Variants in GPATCH8 observed in about 807,000 individuals in gnomAD.
GPATCH8 encodes the protein G patch domain-containing protein 8.
A neutral mutation model predicts 118.3 loss-of-function variants in GPATCH8; 18 were observed. That is an observed-to-expected ratio of 0.15 (90% confidence interval 0.11 to 0.23). The LOEUF (loss-of-function observed/expected upper bound fraction) is 0.23, where lower values mean the gene tolerates loss of function less well. Ranked by LOEUF, GPATCH8 falls within the 10% of genes least tolerant of loss-of-function variation. The pLI, the probability that GPATCH8 is intolerant of heterozygous loss-of-function variation, is 1.00. For missense variants in GPATCH8, 1,631 were observed against 1,873.8 expected (o/e 0.87, Z 2.39); for synonymous variants, 659 against 684.7 (o/e 0.96, Z 0.59).
chr17:44,435,887 T>C (rs1286983454), intron 4 of GPATCH8, among the ~76,000 whole-genome samples: 1 of 149,828 alleles, frequency 6.7e-6, no homozygotes, highest in East Asian at 2.0e-4. Context: ...CCGGGCATGG[T>C]GTCATGCGCC....
rs140026315 is a variant in GPATCH8 at position 44,436,009 on chromosome 17, A to G, written c.261+469T>C. Among the ~76,000 whole-genome samples the G allele has an allele frequency of 3.4e-3, 492 of 143,532 alleles. 3 individuals are homozygous for G. Among genetic ancestry groups the G allele is most frequent in the Middle Eastern group, 0.021 (6 of 282 alleles). 94.2% of individuals were successfully genotyped at this position (143,532 alleles called of 152,430 possible). On this transcript the variant is annotated intron_variant, in intron 4 of 7. Transcript: ENST00000591680. ...GCGCCATTGCACTCTAGCCTGGGCA[A>G]CAAGAGCGAAACTCCATCTCAAAAA...
rs138047636 is a variant in GPATCH8 at position 44,416,580 on chromosome 17, C to G, written c.492+7769G>C. On this transcript the variant is annotated intron_variant, in intron 6 of 7. Coordinates refer to ENST00000591680, the MANE Select transcript of GPATCH8 (RefSeq NM_001002909.4). ...ATAGGTTATTAAAATAAAACTACAA[C>G]ATGTTCAAGTGCTGAGATGCACTCC... is the stretch of plus-strand genomic sequence containing the variant. Among the ~76,000 whole-genome samples, 62 of 152,302 alleles carry G rather than the reference C, an allele frequency of 4.1e-4. 1 individual carries two copies. Among genetic ancestry groups the G allele is most frequent in the African/African-American group, 1.5e-3 (62 of 41,568 alleles).
At chr17:44,445,230 G>A (rs999293920) in intron 3 of GPATCH8, among the ~76,000 whole-genome samples, 7 of 152,012 alleles carry the variant, frequency 4.6e-5, no homozygotes, top group African/African-American at 7.2e-5. Flanking sequence ...AACATATATC[G>A]ACAAACTTTT....
chr17:44,464,852 A>G (rs1350411643), intron 2 of GPATCH8: 9 of 344,618 alleles, frequency 2.6e-5, no homozygotes, highest in Admixed American at 1.3e-4. Context: ...TACATTTATG[A>G]AGTTTTAAAA....
At position 44,396,652 on chromosome 17, in the gene GPATCH8, G is replaced by C. The variant is rs535483665; in HGVS notation, c.*916C>G. ...CATATTTACACAAAGCCACCAGAACGAGGATCACTTAAAGAGCTGGATGTA... is the reference window on the plus strand; with the variant it reads ...CATATTTACACAAAGCCACCAGAACCAGGATCACTTAAAGAGCTGGATGTA... On this transcript the variant is annotated 3_prime_UTR_variant, in exon 8 of 8. Transcript: ENST00000591680. 2.2e-5 allele frequency: 10 copies of C among 447,942 alleles called. No individual in the cohort carries two copies. Among genetic ancestry groups the C allele is most frequent in the Non-Finnish European group, 4.0e-5 (9 of 225,312 alleles). The allele number at this position is 447,942 out of a possible 1,614,324, so 27.7% of individuals were successfully genotyped here. A position where few individuals can be genotyped will look rare whatever the true frequency, so the allele number is the denominator to read the frequency against.
chr17:44,446,886 GCA>G (rs776396339), intron 3 of GPATCH8, among the ~76,000 whole-genome samples: 19 of 151,930 alleles, frequency 1.3e-4, no homozygotes, highest in Non-Finnish European at 2.2e-4. Context: ...CCAGGCTGGA[GCA>G]CAGTGTCACA....
intron 6 of GPATCH8, among the ~76,000 whole-genome samples, chr17:44,413,535 G>A (rs1004187617): frequency 2.6e-5 from 4 of 152,028 alleles, no homozygotes; most frequent in African/African-American, 9.7e-5. Context: ...AGGCTGGAGT[G>A]CAGTGGCGCG....
chr17:44,424,848 C>T lies in GPATCH8; in HGVS notation c.349-356G>A, dbSNP rs938902761. Among the ~76,000 whole-genome samples, 3 of 151,986 alleles carry T rather than the reference C, an allele frequency of 2.0e-5. No individual in the cohort carries two copies. The East Asian group carries it at 5.8e-4, about 29-fold the overall frequency. On this transcript the variant is annotated intron_variant, in intron 5 of 7. Transcript: ENST00000591680. Reference sequence around the variant, plus strand: ...GTATTAATAGTCTAGTTTTCAGACACGAAGGAAAAAAGCATTACCTGAGTC... The same window carrying T: ...GTATTAATAGTCTAGTTTTCAGACATGAAGGAAAAAAGCATTACCTGAGTC...
At chr17:44,422,836 G>A (rs953589051) in intron 6 of GPATCH8, among the ~76,000 whole-genome samples, 1 of 151,960 alleles carries the variant, frequency 6.6e-6, no homozygotes, top group Non-Finnish European at 1.5e-5. Flanking sequence ...CTGGATAGAA[G>A]TATTCACTGT....
chr17:44,492,751 TTTA>T (rs926727787), intron 1 of GPATCH8, among the ~76,000 whole-genome samples: 1 of 152,078 alleles, frequency 6.6e-6, no homozygotes, highest in African/African-American at 2.4e-5. Context: ...GTAGTCAACT[TTTA>T]TAAAGGTGTA....
chr17:44,497,768 C>T (rs1465499775), intron 1 of GPATCH8, among the ~76,000 whole-genome samples: 2 of 151,180 alleles, frequency 1.3e-5, no homozygotes, highest in Admixed American at 6.6e-5. Context: ...GTTGAAACCC[C>T]GTCTCTAAAA....
intron 2 of GPATCH8, 90 bp from the exon 3 acceptor site, chr17:44,464,634 G>A: frequency 3.6e-6 from 3 of 828,152 alleles, no homozygotes; most frequent in Non-Finnish European, 6.4e-6. Flanking sequence ...ATGAGCAAGA[G>A]ATACTTCTAC....
chr17:44,458,783 C>G (rs796584183), intron 3 of GPATCH8, among the ~76,000 whole-genome samples: 20 of 152,298 alleles, frequency 1.3e-4, no homozygotes, highest in African/African-American at 4.8e-4. Context: ...CTTGGCCTCC[C>G]AAAGTCCTGG....
rs766208543 is a variant in GPATCH8, at chr17:44,399,012, C to A, written c.3065G>T (p.Arg1022Leu). 1.2e-6 allele frequency: 2 copies of A among 1,613,832 alleles called. No homozygotes were observed. The highest frequency in any genetic ancestry group is 1.7e-6 in the Non-Finnish European group (2 of 1,179,838). ...HESPEERHSG[R>L]RDFIRSKIYR... ...GATCTTAGAACGAATGAAGTCCCGACGCCCAGAATGCCTCTCCTCAGGGCT... is the reference window on the plus strand; with the variant it reads ...GATCTTAGAACGAATGAAGTCCCGAAGCCCAGAATGCCTCTCCTCAGGGCT... Residue 1022 changes from arginine (R) to leucine (L), a missense_variant, in exon 8 of 8, where the codon CGT (arginine) becomes CTT (leucine). Arg to Leu is a moderately radical substitution (Grantham distance 102). Around this residue, in one of 8 missense-constraint regions of GPATCH8, gnomAD observed 922 missense variants for 879.7 expected, o/e 1.05. Coordinates refer to ENST00000591680, the MANE Select transcript of GPATCH8 (RefSeq NM_001002909.4).
At chr17:44,438,199 T>C (rs1038359739) in intron 3 of GPATCH8, among the ~76,000 whole-genome samples, 1 of 152,188 alleles carries the variant, frequency 6.6e-6, no homozygotes, top group African/African-American at 2.4e-5. Context: ...GTCCAATGAA[T>C]GAATTAAAAA....
intron 1 of GPATCH8, among the ~76,000 whole-genome samples, chr17:44,489,809 T>C (rs997487150): frequency 5.3e-5 from 8 of 152,198 alleles, no homozygotes; most frequent in African/African-American, 1.9e-4. Context: ...CCACCAAAAT[T>C]GAGTCATTCT....
At chr17:44,473,941 C>A (rs1441591447) in intron 2 of GPATCH8, among the ~76,000 whole-genome samples, 1 of 152,142 alleles carries the variant, frequency 6.6e-6, no homozygotes, top group Non-Finnish European at 1.5e-5. Flanking sequence ...AAATTGCCTT[C>A]TTATTTTCCT....
In GPATCH8 at chr17:44,399,231, T is replaced by C; in HGVS notation, c.2846A>G (p.His949Arg). Residue 949 changes from histidine to arginine, a missense_variant, in exon 8 of 8, where the codon CAT becomes CGT. By Grantham distance (29) the His-to-Arg change is conservative. Transcript: ENST00000591680. ...CCGGGATCTTGAGCGCTCTCTGGTA[T>C]GACTCCGAGATCGGCTTCGGGACTG... The part of the protein sequence containing the change: ...CSQSRSRSRS[H>R]TRERSRSRGR... 6.2e-7 allele frequency: 1 copy of C among 1,614,140 alleles called. No homozygotes were observed. Among genetic ancestry groups the C allele is most frequent in the Non-Finnish European group, 8.5e-7 (1 of 1,179,984 alleles).
At position 44,398,998 on chromosome 17, in the gene GPATCH8, G is replaced by C; in HGVS notation, c.3079C>G (p.Arg1027Gly). Residue 1027 changes from arginine (R) to glycine (G), a missense_variant, in exon 8 of 8, where the codon CGT becomes GGT. By Grantham distance (125) the Arg-to-Gly change is moderately radical. Transcript: ENST00000591680. ...GACTGGGAGCGGTAGATCTTAGAAC[G>C]AATGAAGTCCCGACGCCCAGAATGC... ...ERHSGRRDFI[R>G]SKIYRSQSPH... 1 of 1,613,940 alleles carries C rather than the reference G, an allele frequency of 6.2e-7. No homozygotes were observed. Among genetic ancestry groups the C allele is most frequent in the Non-Finnish European group, 8.5e-7 (1 of 1,179,900 alleles).
Sources: gnomAD v4.1 joint callset for allele counts (sites outside exome capture counted in the v4.1 genomes callset) on GRCh38, gnomAD v4.1.1 for gene constraint, gnomAD v4.1.1 regional missense constraint, MANE v1.5 for transcripts, NCBI Gene and HGNC (gene_info 2026-07-23, HGNC 2026-07-21) for gene names.